CNNM4: variants seen among roughly 807,000 people sequenced by gnomAD.
CNNM4 encodes cyclin and CBS domain divalent metal cation transport mediator 4.
CNNM4 carries 32 observed loss-of-function variants against 53.7 expected under a neutral mutation model. The observed-to-expected ratio is 0.60, with a 90% CI of 0.45 to 0.80. The LOEUF (loss-of-function observed/expected upper bound fraction) is 0.80. Ranked by LOEUF, CNNM4 falls within the 30% of genes least tolerant of loss-of-function variation. The probability of loss-of-function intolerance (pLI) is 0.00; values close to 1 mark genes in which losing one functional copy is unlikely to be tolerated. For missense variants in CNNM4, 784 were observed against 1,022.0 expected (o/e 0.77, Z 3.17); for synonymous variants, 410 against 440.0 (o/e 0.93, Z 0.85).
At chr2:96,769,105 G>T (rs530090266) in intron 1 of CNNM4, among the ~76,000 whole-genome samples, 2 of 152,222 alleles carry the variant, frequency 1.3e-5, no homozygotes, top group African/African-American at 2.4e-5. Flanking sequence ...CAAAAAATTA[G>T]CTGGGTGTGG....
rs777506872 is a variant in CNNM4, at chr2:96,797,177, G to T, written c.1546+22G>T. ...TACAGTGAGTCCAGCCTTCCACAGG[G>T]CCCAGGACCCCTTTCCTGCTTGGAT... On this transcript the variant is annotated intron_variant, in intron 2 of 6. Coordinates refer to ENST00000377075, the MANE Select transcript of CNNM4 (RefSeq NM_020184.4). This position sits in a 1 kb window ranked among gnomAD's most constrained non-coding sequence, Gnocchi z 6.0. 9 of 1,613,740 alleles carry T rather than the reference G, an allele frequency of 5.6e-6. No homozygotes were observed. Among genetic ancestry groups the T allele is most frequent in the African/African-American group, 1.3e-5 (1 of 74,926 alleles).
intron 5 of CNNM4, among the ~76,000 whole-genome samples, chr2:96,806,536 C>A (rs976585908): frequency 9.8e-6 from 1 of 102,326 alleles, no homozygotes; most frequent in Admixed American, 9.3e-5. Flanking sequence ...CACACACACA[C>A]GCGCGCGCGC....
chr2:96,783,690 T>A (rs2078993134), intron 1 of CNNM4, among the ~76,000 whole-genome samples: 1 of 152,164 alleles, frequency 6.6e-6, no homozygotes, highest in African/African-American at 2.4e-5. Flanking sequence ...TTTCTTTGAC[T>A]CCTATCTTAA....
intron 1 of CNNM4, among the ~76,000 whole-genome samples, chr2:96,796,510 C>T (rs1157851739): frequency 6.6e-6 from 1 of 152,044 alleles, no homozygotes; most frequent in Non-Finnish European, 1.5e-5. Context: ...TCCTGTATTC[C>T]CAGCACTTTG....
Position 96,797,369 on chromosome 2 carries a change from C to A in CNNM4, c.1547-144C>A. On this transcript the variant is annotated intron_variant, in intron 2 of 6. Transcript: ENST00000377075. This position sits in a 1 kb window ranked among gnomAD's most constrained non-coding sequence, Gnocchi z 6.0. ...TTCACCCTCGGCCTTTGTGCCTCGG[C>A]GTCAGCCCAGGACCCTGCCAGCCAG... 1 of 1,389,902 alleles carries A rather than the reference C, an allele frequency of 7.2e-7. No homozygotes were observed. Among genetic ancestry groups the A allele is most frequent in the Non-Finnish European group, 1.0e-6 (1 of 991,796 alleles). The allele number at this position is 1,389,902 out of a possible 1,614,324, so 86.1% of individuals were successfully genotyped here. A position where few individuals can be genotyped will look rare whatever the true frequency, so the allele number is the denominator to read the frequency against.
Position 96,801,160 on chromosome 2 carries a change from G to GCTGCCACCTGCTGCCTGTGCCTGCACA in CNNM4, c.1948+1517_1948+1543dup. On this transcript the variant is annotated intron_variant, in intron 5 of 6. Transcript: ENST00000377075. This position sits in a 1 kb window ranked among gnomAD's most constrained non-coding sequence, Gnocchi z 5.6. The stretch of plus-strand genomic sequence containing the variant: ...GTAACGTGGCACAGCTGAGGGTCAC[G>GCTGCCACCTGCTGCCTGTGCCTGCACA]CTGCCACCTGCTGCCTGTGCCTGCA... 1 of 975,518 alleles carries GCTGCCACCTGCTGCCTGTGCCTGCACA rather than the reference G, an allele frequency of 1.0e-6. No homozygotes were observed. The highest frequency in any genetic ancestry group is 1.2e-6 in the Non-Finnish European group (1 of 820,918). 60.4% of individuals were successfully genotyped at this position (975,518 alleles called of 1,614,324 possible).
intron 1 of CNNM4, among the ~76,000 whole-genome samples, chr2:96,763,748 A>G (rs926508369): frequency 6.6e-6 from 1 of 152,326 alleles, no homozygotes. Flanking sequence ...TAAGTTCAAC[A>G]GACTGAATCT....
chr2:96,761,029 G>A lies in CNNM4; in HGVS notation c.30G>A (p.Pro10=). Residue 10 remains proline, a synonymous_variant, in exon 1 of 7, where the codon CCG becomes CCA. Coordinates refer to ENST00000377075, the MANE Select transcript of CNNM4 (RefSeq NM_020184.4). The surrounding 1 kb of genome is among the most constrained non-coding windows in gnomAD (Gnocchi z 6.0). Reference sequence around the variant, plus strand: ...CGCCGGTGGGCGGGGGCGGGCGCCCGGTCGGCGGACCGGCCCGCGGGCGCC... The same window carrying A: ...CGCCGGTGGGCGGGGGCGGGCGCCCAGTCGGCGGACCGGCCCGCGGGCGCC... MAPVGGGGR[P]VGGPARGRLL... 6 of 1,208,834 alleles carry A rather than the reference G, an allele frequency of 5.0e-6. No individual in the cohort carries two copies. Among genetic ancestry groups the A allele is most frequent in the Non-Finnish European group, 6.2e-6 (6 of 970,876 alleles). The allele number at this position is 1,208,834 out of a possible 1,614,324, so 74.9% of individuals were successfully genotyped here.
At chr2:96,803,753 TTTTA>T (rs2079178484) in intron 5 of CNNM4, among the ~76,000 whole-genome samples, 1 of 152,112 alleles carries the variant, frequency 6.6e-6, no homozygotes, top group African/African-American at 2.4e-5. Context: ...GCAGTTTTTG[TTTTA>T]TTTATTTTTT....
chr2:96,769,910 T>A (rs1427025216), intron 1 of CNNM4, among the ~76,000 whole-genome samples: 2 of 152,194 alleles, frequency 1.3e-5, no homozygotes, highest in Admixed American at 1.3e-4. Flanking sequence ...CAGGAGCTGG[T>A]TAATACTCCG....
At chr2:96,792,628 C>T (rs2079071754) in intron 1 of CNNM4, among the ~76,000 whole-genome samples, 1 of 151,952 alleles carries the variant, frequency 6.6e-6, no homozygotes, top group Admixed American at 6.6e-5. Context: ...CATGGTGAAA[C>T]CCCATCTCTA....
intron 1 of CNNM4, among the ~76,000 whole-genome samples, chr2:96,765,977 T>C (rs1206589904): frequency 5.3e-5 from 8 of 151,762 alleles, no homozygotes; most frequent in Non-Finnish European, 1.0e-4. Context: ...AGAGATGGGG[T>C]TTCACCATGT....
chr2:96,776,410 G>A (rs2153345934), intron 1 of CNNM4, among the ~76,000 whole-genome samples: 1 of 152,208 alleles, frequency 6.6e-6, no homozygotes, highest in African/African-American at 2.4e-5. Flanking sequence ...ATAGATTCAT[G>A]TAATCAAATC....
Position 96,808,872 on chromosome 2 carries a change from G to A in CNNM4, c.2130+130G>A. The A allele has an allele frequency of 1.1e-6, 1 of 935,894 alleles. No individual in the cohort carries two copies. The highest frequency in any genetic ancestry group is 1.7e-6 in the Non-Finnish European group (1 of 597,524). 58.0% of individuals were successfully genotyped at this position (935,894 alleles called of 1,614,324 possible). A position where few individuals can be genotyped will look rare whatever the true frequency, so the allele number is the denominator to read the frequency against. On this transcript the variant is annotated intron_variant, in intron 6 of 6. Coordinates refer to ENST00000377075, the MANE Select transcript of CNNM4 (RefSeq NM_020184.4). This position sits in a 1 kb window ranked among gnomAD's most constrained non-coding sequence, Gnocchi z 4.9. ...CTTTTTCTTCTGGAGATGGGGTCTTGCTCTGTCGCCCAGGCTGGAATGCAG... is the reference window on the plus strand; with the variant it reads ...CTTTTTCTTCTGGAGATGGGGTCTTACTCTGTCGCCCAGGCTGGAATGCAG...
At chr2:96,788,034 TG>T (rs540070466) in intron 1 of CNNM4, among the ~76,000 whole-genome samples, 1 of 152,232 alleles carries the variant, frequency 6.6e-6, no homozygotes, top group Non-Finnish European at 1.5e-5. Flanking sequence ...GTGATTCTCC[TG>T]CCTCAGCCTG....
intron 1 of CNNM4, among the ~76,000 whole-genome samples, chr2:96,783,229 G>A (rs1006136936): frequency 1.3e-5 from 2 of 152,192 alleles, no homozygotes; most frequent in Non-Finnish European, 2.9e-5. Flanking sequence ...CTCTGGTAGG[G>A]GATGCTGGGG....
intron 1 of CNNM4, among the ~76,000 whole-genome samples, chr2:96,773,841 TAAA>T (rs572771462): frequency 9.7e-6 from 1 of 103,382 alleles, no homozygotes; most frequent in Middle Eastern, 5.1e-3. Flanking sequence ...AGACTCCATC[TAAA>T]AAAAAAAAAA....
Position 96,761,906 on chromosome 2 carries a change from A to G in CNNM4, c.907A>G (p.Ile303Val). ...TGGGCTGGCTGTGGGTGCCAACACCATCCTTCTCACCAAATTCTTTATGCT... is the reference window on the plus strand; with the variant it reads ...TGGGCTGGCTGTGGGTGCCAACACCGTCCTTCTCACCAAATTCTTTATGCT... ...RHGLAVGANT[I>V]LLTKFFMLLT... Residue 303 changes from isoleucine (I) to valine (V), a missense_variant, in exon 1 of 7, where the codon ATC becomes GTC. Physicochemically the swap from Ile to Val is conservative, Grantham distance 29 (BLOSUM62 3). This residue lies in a region of CNNM4 where 473 missense variants were observed against 624.6 expected (regional missense o/e 0.76). Transcript: ENST00000377075. The surrounding 1 kb of genome is among the most constrained non-coding windows in gnomAD (Gnocchi z 6.0). The G allele has an allele frequency of 6.2e-7, 1 of 1,614,104 alleles. No individual in the cohort carries two copies.
In CNNM4 at chr2:96,766,291, T is replaced by A. The variant is rs557105435; in HGVS notation, c.1402+3890T>A. Among the ~76,000 whole-genome samples, 6 of 152,022 alleles carry A rather than the reference T, an allele frequency of 3.9e-5. No homozygotes were observed. In the South Asian group the frequency reaches 1.2e-3, roughly 32 times the overall value. ...GGTTTCACCATGTTAGCTAGGCTAG[T>A]CTTGAACTCCTGACCTCAAGCGATC... On this transcript the variant is annotated intron_variant, in intron 1 of 6. Coordinates refer to ENST00000377075, the MANE Select transcript of CNNM4 (RefSeq NM_020184.4).
Sources: allele counts gnomAD v4.1 joint callset (sites outside exome capture counted in the v4.1 genomes callset), GRCh38; gene constraint gnomAD v4.1.1; regional missense constraint gnomAD v4.1.1; non-coding constraint Gnocchi (gnomAD v3.1); transcripts MANE v1.5; gene names NCBI Gene and HGNC (gene_info 2026-07-23, HGNC 2026-07-21).